The following LIMCH1 variants were observed in gnomAD, a reference collection of about 807,000 sequenced individuals.
The protein encoded by LIMCH1 is LIM and calponin homology domains-containing protein 1.
Under a neutral mutation model 176.5 loss-of-function variants are expected in LIMCH1, and 113 were observed. The ratio of observed to expected loss-of-function variants is 0.64; its 90% CI spans 0.55 to 0.75. LIMCH1 has a LOEUF of 0.75. Among genes scored for constraint, LIMCH1 ranks in the 30% least tolerant of loss-of-function variants. The probability of loss-of-function intolerance (pLI) is 0.00; values close to 1 mark genes in which losing one functional copy is unlikely to be tolerated. For missense variants in LIMCH1, 1,674 were observed against 1,814.9 expected, an observed-to-expected ratio of 0.92 and a Z score of 1.41; for synonymous variants, 619 against 645.9, an observed-to-expected ratio of 0.96 and a Z score of 0.63.
At position 41,687,896 on chromosome 4, in the gene LIMCH1, C is replaced by A. The variant is rs140341643; in HGVS notation, c.4145C>A (p.Pro1382His). 2.8e-5 allele frequency: 45 copies of A among 1,613,436 alleles called. No individual in the cohort carries two copies. Among genetic ancestry groups the A allele is most frequent in the South Asian group, 1.8e-4 (16 of 91,050 alleles). ...CCTTTCTCTCCCTGTTCTCCCACCC[C>A]TCCCGGTCAGTCACCAAACAGGTAC... Reference protein sequence around the residue: ...AGPFSPCSPTPPGQSPNRSIS... With the variant: ...AGPFSPCSPTHPGQSPNRSIS... Residue 1382 changes from proline to histidine, a missense_variant, in exon 29 of 32, where the codon CCT (proline) becomes CAT (histidine). This residue lies in a region of LIMCH1 where 1,015 missense variants were observed against 1,102.5 expected (regional missense o/e 0.92). Coordinates refer to ENST00000503057, the MANE Select transcript of LIMCH1 (RefSeq NM_001330672.2).
intron 1 of LIMCH1, among the ~76,000 whole-genome samples, chr4:41,574,711 A>G (rs1469445831): frequency 6.6e-6 from 1 of 152,192 alleles, no homozygotes; most frequent in Non-Finnish European, 1.5e-5. Context: ...AAGACTTCAA[A>G]TGTGGCTCGA....
At chr4:41,580,334 G>A (rs2152676374) in intron 1 of LIMCH1, among the ~76,000 whole-genome samples, 1 of 152,278 alleles carries the variant, frequency 6.6e-6, no homozygotes, top group South Asian at 2.1e-4. Flanking sequence ...GTCACACTCT[G>A]TGATCATGAT....
chr4:41,644,560 G>T lies in LIMCH1; in HGVS notation c.2187G>T (p.Arg729Ser). The T allele has an allele frequency of 6.2e-7, 1 of 1,607,616 alleles. No homozygotes were observed. The highest frequency in any genetic ancestry group is 8.5e-7 in the Non-Finnish European group (1 of 1,177,206). ...AGGCCGCGGTGCAGCCGCACAGCAG[G>T]GCCCGCCAGGAGCAGCTGCAGCTGA... The part of the protein sequence containing the change: ...EEEAAVQPHS[R>S]ARQEQLQLIN... Residue 729 changes from arginine to serine, a missense_variant, in exon 15 of 32, where the codon AGG becomes AGT. By Grantham distance (110) the Arg-to-Ser change is moderately radical (BLOSUM62 -1). Coordinates refer to ENST00000503057, the MANE Select transcript of LIMCH1 (RefSeq NM_001330672.2).
intron 21 of LIMCH1, among the ~76,000 whole-genome samples, chr4:41,669,296 T>C (rs1320007288): frequency 6.6e-6 from 1 of 152,180 alleles, no homozygotes; most frequent in Non-Finnish European, 1.5e-5. Flanking sequence ...TGGCCCAGAA[T>C]AAGCATTCAT....
intron 14 of LIMCH1, among the ~76,000 whole-genome samples, chr4:41,640,132 T>C (rs1405657320): frequency 1.3e-5 from 2 of 152,234 alleles, no homozygotes; most frequent in Non-Finnish European, 2.9e-5. Context: ...AGAACACTCA[T>C]GCCTCAAAAC....
chr4:41,610,327 G>A (rs1333663364), intron 4 of LIMCH1, among the ~76,000 whole-genome samples: 2 of 152,146 alleles, frequency 1.3e-5, no homozygotes, highest in Non-Finnish European at 2.9e-5. Flanking sequence ...TTGTAGCTGT[G>A]TCATTTCCAG....
intron 1 of LIMCH1, among the ~76,000 whole-genome samples, chr4:41,425,154 C>T (rs1032696989): frequency 2.6e-5 from 4 of 152,036 alleles, no homozygotes; most frequent in Admixed American, 1.3e-4. Context: ...TCCTTCTGAA[C>T]GTTTAAAAAG....
intron 1 of LIMCH1, among the ~76,000 whole-genome samples, chr4:41,407,693 A>G (rs2059109390): frequency 6.6e-6 from 1 of 152,186 alleles, no homozygotes; most frequent in African/African-American, 2.4e-5. Context: ...AAATAGCCAC[A>G]AACTTCTCCT....
At chr4:41,641,040 G>C (rs4861126) in intron 14 of LIMCH1, among the ~76,000 whole-genome samples, 64,266 of 151,978 alleles carry the variant, frequency 0.42, 13,842 homozygotes, top group South Asian at 0.46. Flanking sequence ...ATTCCTTTAC[G>C]GTAGACTTGG....
intron 1 of LIMCH1, among the ~76,000 whole-genome samples, chr4:41,430,594 G>A (rs1474784075): frequency 6.6e-6 from 1 of 152,190 alleles, no homozygotes; most frequent in Non-Finnish European, 1.5e-5. Context: ...GATTAGGAAT[G>A]TTTCCTTTGT....
intron 1 of LIMCH1, among the ~76,000 whole-genome samples, chr4:41,395,532 C>T (rs1046180820): frequency 2.6e-5 from 4 of 151,994 alleles, no homozygotes; most frequent in African/African-American, 4.8e-5. Context: ...CATGAGCCAC[C>T]GTGTCCGGCC....
rs1157998737 is a variant in LIMCH1 at position 41,644,590 on chromosome 4, T to C, written c.2217T>C (p.Asn739=). The C allele has an allele frequency of 1.2e-6, 2 of 1,612,270 alleles. No homozygotes were observed. The highest frequency in any genetic ancestry group is 1.7e-6 in the Non-Finnish European group (2 of 1,179,338). The change falls in exon 15 of 32, where the codon AAT becomes AAC. Residue 739 remains asparagine, a synonymous_variant. Coordinates refer to ENST00000503057, the MANE Select transcript of LIMCH1 (RefSeq NM_001330672.2). ...GCCAGGAGCAGCTGCAGCTGATAAA[T>C]AACCAGCTGAGGGAAGAGGACGACA... ...RARQEQLQLI[N]NQLREEDDKW...
intron 21 of LIMCH1, among the ~76,000 whole-genome samples, chr4:41,667,030 C>A (rs144555812): frequency 7.2e-4 from 109 of 152,074 alleles, no homozygotes; most frequent in African/African-American, 2.6e-3. Context: ...TCGCTTGAAC[C>A]CAGGAGGCTG....
chr4:41,545,088 G>A (rs2079185347), intron 1 of LIMCH1, among the ~76,000 whole-genome samples: 1 of 152,190 alleles, frequency 6.6e-6, no homozygotes, highest in Non-Finnish European at 1.5e-5. Flanking sequence ...CAAAGTCACT[G>A]CCAATACAAG....
chr4:41,694,413 G>C (rs1452289260), intron 31 of LIMCH1, among the ~76,000 whole-genome samples: 1 of 152,162 alleles, frequency 6.6e-6, no homozygotes, highest in Non-Finnish European at 1.5e-5. Flanking sequence ...TGTACACACA[G>C]AGATACATAT....
At chr4:41,414,166 G>T (rs2059724924) in intron 1 of LIMCH1, among the ~76,000 whole-genome samples, 1 of 152,072 alleles carries the variant, frequency 6.6e-6, no homozygotes, top group South Asian at 2.1e-4. Context: ...GGCAGGAAGA[G>T]TGTGTGTGTG....
chr4:41,668,755 G>C (rs1585629953), intron 21 of LIMCH1, among the ~76,000 whole-genome samples: 1 of 152,180 alleles, frequency 6.6e-6, no homozygotes, highest in Admixed American at 6.5e-5. Context: ...ATTTATAAAG[G>C]AAAGAGGCTT....
chr4:41,522,073 A>G (rs968452757), intron 2 of LIMCH1, among the ~76,000 whole-genome samples: 2 of 152,116 alleles, frequency 1.3e-5, no homozygotes, highest in African/African-American at 4.8e-5. Context: ...ACATTTTGTT[A>G]TTTTTTCTAC....
intron 21 of LIMCH1, among the ~76,000 whole-genome samples, 186 bp downstream of exon 21, chr4:41,666,852 A>G (rs1338438940): frequency 6.6e-6 from 1 of 152,180 alleles, no homozygotes; most frequent in Admixed American, 6.5e-5. Flanking sequence ...TCTCTATTTG[A>G]GCAGACCAGG....
Sources: allele counts gnomAD v4.1 joint callset (sites outside exome capture counted in the v4.1 genomes callset), GRCh38; gene constraint gnomAD v4.1.1; regional missense constraint gnomAD v4.1.1; transcripts MANE v1.5; gene names NCBI Gene and HGNC (gene_info 2026-07-23, HGNC 2026-07-21).